Variants in NAT10 observed in about 807,000 individuals in gnomAD.
NAT10 encodes N-acetyltransferase 10.
A neutral mutation model predicts 132.2 loss-of-function variants in NAT10; 109 were observed. That is an observed-to-expected ratio of 0.82 (90% CI 0.71 to 0.97). The LOEUF is 0.97. Ranked by LOEUF, NAT10 falls within the 50% of genes least tolerant of loss-of-function variation. NAT10 has a pLI of 0.00. For synonymous variants in NAT10, 479 were observed against 478.0 expected (o/e 1.00, Z -0.03); for missense variants, 1,184 against 1,263.4 (o/e 0.94, Z 0.95).
At chr11:34,133,930 A>ACT (rs1852154689) in intron 16 of NAT10, among the ~76,000 whole-genome samples, 1 of 151,716 alleles carries the variant, frequency 6.6e-6, no homozygotes, top group Non-Finnish European at 1.5e-5. Context: ...AGGCGGGCGG[A>ACT]TCACAAGGTC....
chr11:34,127,418 A>T (rs1209865426), intron 11 of NAT10, 45 bp from the exon 12 acceptor site: 1 of 1,551,654 alleles, frequency 6.4e-7, no homozygotes, highest in Non-Finnish European at 8.8e-7. Context: ...CACAGCTGTG[A>T]CATGAGTTCA....
In NAT10 at chr11:34,141,184, C is replaced by A; in HGVS notation, c.2688C>A (p.Asn896Lys). 14 of 1,614,018 alleles carry A rather than the reference C, an allele frequency of 8.7e-6. No individual in the cohort carries two copies. Among genetic ancestry groups the A allele is most frequent in the Non-Finnish European group, 1.2e-5 (14 of 1,180,004 alleles). Reference protein sequence around the residue: ...LPSGQLMGLFNRIIRKVVKLF... With the variant: ...LPSGQLMGLFKRIIRKVVKLF... ...CGGGCCAGTTGATGGGACTTTTCAA[C>A]CGGATCATCCGCAAAGTTGTGAAGG... Residue 896 changes from asparagine to lysine, a missense_variant, in exon 25 of 29, where the codon AAC becomes AAA. Coordinates refer to ENST00000257829, the MANE Select transcript of NAT10 (RefSeq NM_024662.3).
chr11:34,142,196 C>T, intron 26 of NAT10, 79 bp from the exon 27 acceptor site: 1 of 1,337,252 alleles, frequency 7.5e-7, no homozygotes, highest in South Asian at 1.2e-5. Context: ...TTGTGCCATT[C>T]CACCCCAGCT....
chr11:34,145,435 T>C lies in NAT10; in HGVS notation c.2970-649T>C, dbSNP rs578081268. On this transcript the variant is annotated intron_variant, in intron 28 of 28. Coordinates refer to ENST00000257829, the MANE Select transcript of NAT10 (RefSeq NM_024662.3). ...GACTGAACTCTTCACGGTCTCCTTA[T>C]AGGGAAGTATTTGTTCCCAGAGCAA... 9.4e-4 allele frequency among the ~76,000 whole-genome samples: 143 copies of C among 152,302 alleles called. 1 individual carries two copies. The highest frequency in any genetic ancestry group is 3.2e-3 in the African/African-American group (132 of 41,562).
intron 28 of NAT10, among the ~76,000 whole-genome samples, chr11:34,145,160 C>T (rs945348817): frequency 2.6e-5 from 4 of 152,206 alleles, no homozygotes; most frequent in Non-Finnish European, 4.4e-5. Flanking sequence ...GCTGTGGAGA[C>T]GGCCTCAGCT....
At chr11:34,124,968 C>T (rs549475179) in intron 11 of NAT10, among the ~76,000 whole-genome samples, 22 of 152,290 alleles carry the variant, frequency 1.4e-4, no homozygotes, top group African/African-American at 3.9e-4. Context: ...GGCTTACAGA[C>T]GGACTGAGAC....
At chr11:34,130,441 T>C (rs1440676507) in intron 12 of NAT10, among the ~76,000 whole-genome samples, 1 of 152,228 alleles carries the variant, frequency 6.6e-6, no homozygotes, top group Non-Finnish European at 1.5e-5. Flanking sequence ...GCCTAAAGCC[T>C]TTATGCTAAA....
At chr11:34,124,922 G>GT (rs1437435374) in intron 11 of NAT10, among the ~76,000 whole-genome samples, 1 of 152,348 alleles carries the variant, frequency 6.6e-6, no homozygotes. Flanking sequence ...AAAGGCTGCA[G>GT]TTTTGCTAAA....
At position 34,136,765 on chromosome 11, in the gene NAT10, A is replaced by C. The variant is rs1590779441; in HGVS notation, c.2152A>C (p.Arg718=). The C allele has an allele frequency of 1.9e-6, 3 of 1,614,102 alleles. No homozygotes were observed. Among genetic ancestry groups the C allele is most frequent in the Non-Finnish European group, 2.5e-6 (3 of 1,180,024 alleles). ...YLGVSYGLTP[R]LLKFWKRAGF... ...GGGTGTTTCCTATGGCTTGACCCCCAGGCTCCTCAAGTAAGTGCCTGCCCT... is the reference window on the plus strand; with the variant it reads ...GGGTGTTTCCTATGGCTTGACCCCCCGGCTCCTCAAGTAAGTGCCTGCCCT... Residue 718 remains arginine (R), a synonymous_variant, in exon 20 of 29, where the codon AGG becomes CGG. Coordinates refer to ENST00000257829, the MANE Select transcript of NAT10 (RefSeq NM_024662.3).
chr11:34,133,065 G>A lies in NAT10; in HGVS notation c.1657G>A (p.Ala553Thr). 1 of 1,614,128 alleles carries A rather than the reference G, an allele frequency of 6.2e-7. No homozygotes were observed. Among genetic ancestry groups the A allele is most frequent in the Admixed American group, 1.7e-5 (1 of 60,018 alleles). The change falls in exon 16 of 29, where the codon GCT (alanine) becomes ACT (threonine). Residue 553 changes from alanine to threonine, a missense_variant. Physicochemically the swap from Ala to Thr is moderately conservative, Grantham distance 58 (BLOSUM62 0). Transcript: ENST00000257829. The stretch of plus-strand genomic sequence containing the variant: ...TCTCCAGATGCTCTCCGATGCACCT[G>A]CTCACCATCTCTTCTGCCTTCTGCC... ...NDLQMLSDAP[A>T]HHLFCLLPPV...
intron 14 of NAT10, among the ~76,000 whole-genome samples, 155 bp downstream of exon 14, chr11:34,131,686 C>T (rs749583326): frequency 0.064 from 8,166 of 128,590 alleles, 302 homozygotes; most frequent in Non-Finnish European, 0.09. Flanking sequence ...TTTTTTTTTT[C>T]TTTCTTTTTT....
intron 2 of NAT10, 41 bp downstream of exon 2, chr11:34,108,374 G>A (rs1851633221): frequency 6.6e-7 from 1 of 1,506,734 alleles, no homozygotes; most frequent in South Asian, 1.1e-5. Flanking sequence ...TTTTTATCTT[G>A]TCCAAAGAAT....
intron 18 of NAT10, among the ~76,000 whole-genome samples, 162 bp downstream of exon 18, chr11:34,134,748 C>T (rs779123275): frequency 1.1e-4 from 16 of 152,118 alleles, no homozygotes; most frequent in Non-Finnish European, 1.6e-4. Flanking sequence ...GGTGGGTGGA[C>T]AGGATGATGG....
intron 12 of NAT10, among the ~76,000 whole-genome samples, chr11:34,128,151 C>T (rs903053728): frequency 2.6e-5 from 4 of 151,848 alleles, no homozygotes; most frequent in Admixed American, 1.3e-4. Flanking sequence ...GTCAGGAGTT[C>T]GAGACCAGCC....
At chr11:34,127,304 C>T (rs1852013371) in intron 11 of NAT10, among the ~76,000 whole-genome samples, 159 bp from the exon 12 acceptor site, 1 of 152,154 alleles carries the variant, frequency 6.6e-6, no homozygotes. Context: ...AAGCCCATCC[C>T]ATTTTTGCCC....
intron 23 of NAT10, 112 bp from the exon 24 acceptor site, chr11:34,140,266 GGCCAGGGCTGTGTGGTATGGCT>G: frequency 1.2e-6 from 1 of 853,880 alleles, no homozygotes; most frequent in Admixed American, 2.5e-5. Context: ...TGCCCCTCTG[GGCCAGGGCTGTGTGGTATGGCT>G]GCCAGGCCCT....
intron 11 of NAT10, among the ~76,000 whole-genome samples, chr11:34,126,626 C>T (rs1024432960): frequency 6.6e-6 from 1 of 152,194 alleles, no homozygotes; most frequent in Non-Finnish European, 1.5e-5. Flanking sequence ...TTTAATTTCT[C>T]TAAGACCTCA....
intron 16 of NAT10, among the ~76,000 whole-genome samples, chr11:34,133,600 T>C (rs981605601): frequency 1.1e-4 from 16 of 152,238 alleles, no homozygotes; most frequent in African/African-American, 3.9e-4. Context: ...ATAATCTACA[T>C]AAGTTTTAAA....
chr11:34,140,720 G>A, intron 24 of NAT10, 148 bp downstream of exon 24: 3 of 980,506 alleles, frequency 3.1e-6, no homozygotes, highest in Non-Finnish European at 4.5e-6. Flanking sequence ...CATTCTACAG[G>A]TCAGGAAACC....
Sources: gnomAD v4.1 joint callset for allele counts (sites outside exome capture counted in the v4.1 genomes callset) on GRCh38, gnomAD v4.1.1 for gene constraint, MANE v1.5 for transcripts, NCBI Gene and HGNC (gene_info 2026-07-23, HGNC 2026-07-21) for gene names.